MCCC2: variants seen among roughly 807,000 people sequenced by gnomAD.
MCCC2 encodes methylcrotonyl-CoA carboxylase subunit 2, also known as methylcrotonoyl-CoA carboxylase beta chain, mitochondrial.
Under a neutral mutation model 77.2 loss-of-function variants are expected in MCCC2, and 52 were observed. That is an observed-to-expected ratio of 0.67 (90% CI 0.54 to 0.85). The LOEUF is 0.85. Ranked by LOEUF, MCCC2 falls within the 40% of genes least tolerant of loss-of-function variation. The pLI is 0.00. For synonymous variants in MCCC2, 253 were observed against 248.4 expected (o/e 1.02, Z -0.18); for missense variants, 682 against 703.2 (o/e 0.97, Z 0.34).
chr5:71,636,881 T>C (rs1054552129), intron 10 of MCCC2, among the ~76,000 whole-genome samples: 4 of 151,612 alleles, frequency 2.6e-5, no homozygotes, highest in Middle Eastern at 6.3e-3. Flanking sequence ...GTAGCTGGGA[T>C]TACAGGCACC....
chr5:71,654,836 G>T (rs983013946), intron 16 of MCCC2, among the ~76,000 whole-genome samples: 22 of 150,586 alleles, frequency 1.5e-4, no homozygotes, highest in African/African-American at 4.6e-4. Context: ...TGGATCTGTA[G>T]ATTTTTTTTT....
intron 16 of MCCC2, among the ~76,000 whole-genome samples, chr5:71,653,399 T>TTAG (rs1747493383): frequency 6.7e-6 from 1 of 149,552 alleles, no homozygotes; most frequent in Admixed American, 6.7e-5. Context: ...TTCAACAACT[T>TTAG]TAGTGTTCTG....
chr5:71,626,865 A>T, intron 7 of MCCC2, 112 bp downstream of exon 7: 1 of 1,020,826 alleles, frequency 9.8e-7, no homozygotes, highest in East Asian at 2.6e-5. Flanking sequence ...TATGCATAAC[A>T]TAAAACTTAC....
chr5:71,649,107 T>C lies in MCCC2; in HGVS notation c.1227T>C (p.Val409=). ...LFLQNITGFM[V]GREYEAEGIA... ...TGATCTTTCTCTCAGGATTTATGGT[T>C]GGTAGAGAGTATGAAGCTGAAGGAA... Residue 409 remains valine, a synonymous_variant, in exon 14 of 17, where the codon GTT becomes GTC. Coordinates refer to ENST00000340941, the MANE Select transcript of MCCC2 (RefSeq NM_022132.5). 1 of 1,614,222 alleles carries C rather than the reference T, an allele frequency of 6.2e-7. No homozygotes were observed. Among genetic ancestry groups the C allele is most frequent in the African/African-American group, 1.3e-5 (1 of 75,074 alleles).
rs1240469734 is a variant in MCCC2, at chr5:71,658,490, C to A, written c.*1630C>A. On this transcript the variant is annotated 3_prime_UTR_variant, in exon 17 of 17. Transcript: ENST00000340941. The stretch of plus-strand genomic sequence containing the variant: ...TTCCTATAAACATTAATATTGTCCT[C>A]CTGCTAGAATGTAAGCTCCGTGAGA... 6.6e-6 allele frequency: 1 copy of A among 152,206 alleles called. No homozygotes were observed. Among genetic ancestry groups the A allele is most frequent in the East Asian group, 1.9e-4 (1 of 5,200 alleles). 9.4% of individuals were successfully genotyped at this position (152,206 alleles called of 1,614,324 possible). A position where few individuals can be genotyped will look rare whatever the true frequency, so the allele number is the denominator to read the frequency against.
At chr5:71,587,744 C>T (rs993590372) in intron 1 of MCCC2, among the ~76,000 whole-genome samples, 190 bp downstream of exon 1, 2 of 152,232 alleles carry the variant, frequency 1.3e-5, no homozygotes, top group South Asian at 2.1e-4. Flanking sequence ...TGGCACTGTA[C>T]TTTGTGTCTT....
chr5:71,601,574 C>T (rs187777082), intron 4 of MCCC2, among the ~76,000 whole-genome samples: 17 of 152,200 alleles, frequency 1.1e-4, no homozygotes, highest in East Asian at 7.7e-4. Context: ...TGTGGCGAGC[C>T]CTGCTGGCCA....
At chr5:71,648,384 G>C (rs1392999406) in intron 13 of MCCC2, among the ~76,000 whole-genome samples, 1 of 152,210 alleles carries the variant, frequency 6.6e-6, no homozygotes, top group Non-Finnish European at 1.5e-5. Flanking sequence ...CCTCCACAGA[G>C]CTAGGGGCTT....
Position 71,655,962 on chromosome 5 carries a change from C to T in MCCC2, c.1575-781C>T, listed in dbSNP as rs558530829. ...GGGTGTGGTGGCTCACGCCTGTAAT[C>T]GCAGCACTTTGGGAGGCTGAGGTGG... On this transcript the variant is annotated intron_variant, in intron 16 of 16. Coordinates refer to ENST00000340941, the MANE Select transcript of MCCC2 (RefSeq NM_022132.5). 4.6e-5 allele frequency among the ~76,000 whole-genome samples: 7 copies of T among 152,296 alleles called. No individual in the cohort carries two copies. In the South Asian group the frequency reaches 8.3e-4, roughly 18 times the overall value.
intron 13 of MCCC2, among the ~76,000 whole-genome samples, chr5:71,648,794 G>A (rs114406764): frequency 0.017 from 2,573 of 152,262 alleles, 76 homozygotes; most frequent in African/African-American, 0.06. Flanking sequence ...GTATTATGGG[G>A]GTGAGTCACT....
chr5:71,657,261 T>A lies in MCCC2; in HGVS notation c.*401T>A, dbSNP rs1319734740. On this transcript the variant is annotated 3_prime_UTR_variant, in exon 17 of 17. Coordinates refer to ENST00000340941, the MANE Select transcript of MCCC2 (RefSeq NM_022132.5). The stretch of plus-strand genomic sequence containing the variant: ...CTTGGTGATATTTTAGCGGGCTTAT[T>A]TTTGAAAGGCATCTGTTACTTCAGT... The A allele has an allele frequency of 4.2e-6, 1 of 235,506 alleles. No individual in the cohort carries two copies. The highest frequency in any genetic ancestry group is 1.1e-4 in the East Asian group (1 of 8,814). 14.6% of individuals were successfully genotyped at this position (235,506 alleles called of 1,614,324 possible).
intron 6 of MCCC2, among the ~76,000 whole-genome samples, chr5:71,605,601 T>C (rs1418438155): frequency 1.3e-5 from 2 of 150,724 alleles, no homozygotes; most frequent in Non-Finnish European, 3.0e-5. Context: ...CATTTGTCAA[T>C]TTTGGCTTTT....
rs3736398 is a variant in MCCC2, at chr5:71,632,135, T to C, written c.753T>C (p.Thr251=). ...LAGPPLVKAA[T]GEEVSAEDLG... Reference sequence around the variant, plus strand: ...CCTTGTTGTAGGTTAAAGCGGCAACTGGGGAAGAAGTATCTGCTGAGGATC... The same window carrying C: ...CCTTGTTGTAGGTTAAAGCGGCAACCGGGGAAGAAGTATCTGCTGAGGATC... The change falls in exon 8 of 17, where the codon ACT becomes ACC. Residue 251 remains threonine, a synonymous_variant. Transcript: ENST00000340941. 7 of 1,614,188 alleles carry C rather than the reference T, an allele frequency of 4.3e-6. No homozygotes were observed. The South Asian group carries it at 6.6e-5, about 15-fold the overall frequency.
intron 6 of MCCC2, among the ~76,000 whole-genome samples, chr5:71,623,413 C>A (rs1483236914): frequency 6.6e-6 from 1 of 152,182 alleles, no homozygotes; most frequent in African/African-American, 2.4e-5. Context: ...AGGCCTGTTT[C>A]TTACGAGCTG....
rs56048450 is a variant in MCCC2, at chr5:71,595,428, C to CAAAA, written c.197-837_197-834dup. Among the ~76,000 whole-genome samples the CAAAA allele has an allele frequency of 1.3e-3, 154 of 114,968 alleles. 4 individuals carry two copies. In the East Asian group the frequency reaches 0.017, roughly 12 times the overall value. The allele number at this position is 114,968 out of a possible 152,430, so 75.4% of individuals were successfully genotyped here. A position where few individuals can be genotyped will look rare whatever the true frequency, so the allele number is the denominator to read the frequency against. On this transcript the variant is annotated intron_variant, in intron 2 of 16. Coordinates refer to ENST00000340941, the MANE Select transcript of MCCC2 (RefSeq NM_022132.5). ...TGGGTGACAGAGTAAGATCTTGTCTCAAAAAAAAAAAAAAAAAAGGTCCTA... is the reference window on the plus strand; with the variant it reads ...TGGGTGACAGAGTAAGATCTTGTCTCAAAAAAAAAAAAAAAAAAAAAAGGTCCTA...
chr5:71,589,190 A>G (rs757395536), intron 1 of MCCC2, among the ~76,000 whole-genome samples: 15 of 152,240 alleles, frequency 9.9e-5, no homozygotes, highest in Non-Finnish European at 4.4e-5. Context: ...GGAGTTTCCA[A>G]CTGGGCAGAA....
Position 71,656,723 on chromosome 5 carries a change from T to A in MCCC2, c.1575-20T>A. 1 of 1,587,898 alleles carries A rather than the reference T, an allele frequency of 6.3e-7. No individual in the cohort carries two copies. Among genetic ancestry groups the A allele is most frequent in the Non-Finnish European group, 8.6e-7 (1 of 1,156,316 alleles). ...TAGTTTGGTGGTAAATTCATAACTC[T>A]TTTTTTGTTCTTTTGTCAGGGTATG... On this transcript the variant is annotated intron_variant, in intron 16 of 16. Transcript: ENST00000340941.
intron 13 of MCCC2, among the ~76,000 whole-genome samples, chr5:71,648,847 A>G (rs1349021491): frequency 1.3e-5 from 2 of 152,188 alleles, no homozygotes; most frequent in Non-Finnish European, 2.9e-5. Flanking sequence ...TTGCATCCTC[A>G]TATTGTTTGA....
In MCCC2 at chr5:71,646,274, A is replaced by G; in HGVS notation, c.1213A>G (p.Thr405Ala). 3.1e-6 allele frequency: 5 copies of G among 1,613,526 alleles called. No homozygotes were observed. Among genetic ancestry groups the G allele is most frequent in the Non-Finnish European group, 4.2e-6 (5 of 1,179,644 alleles). The stretch of plus-strand genomic sequence containing the variant: ...TCCTCTGCTGTTCCTTCAAAACATT[A>G]CTGGTAAGAAAATAGCTTAATCAGT... Reference protein sequence around the residue: ...NIPLLFLQNITGFMVGREYEA... With the variant: ...NIPLLFLQNIAGFMVGREYEA... Residue 405 changes from threonine to alanine, a missense_variant, in exon 13 of 17, where the codon ACT becomes GCT. Thr to Ala is a moderately conservative substitution (Grantham distance 58). Coordinates refer to ENST00000340941, the MANE Select transcript of MCCC2 (RefSeq NM_022132.5).
Sources: gnomAD v4.1 joint callset for allele counts (sites outside exome capture counted in the v4.1 genomes callset) on GRCh38, gnomAD v4.1.1 for gene constraint, MANE v1.5 for transcripts, NCBI Gene and HGNC (gene_info 2026-07-23, HGNC 2026-07-21) for gene names.